Variants in TRAPPC8 observed in about 807,000 individuals in gnomAD.
TRAPPC8 encodes trafficking protein particle complex subunit 8.
Under a neutral mutation model 174.3 loss-of-function variants are expected in TRAPPC8, and 54 were observed. That is an observed-to-expected ratio of 0.31 (90% CI 0.25 to 0.39). The LOEUF is 0.39. Ranked by LOEUF, TRAPPC8 falls within the 10% of genes least tolerant of loss-of-function variation. The pLI, the probability that TRAPPC8 is intolerant of heterozygous loss-of-function variation, is 1.00. For missense variants in TRAPPC8, 1,531 were observed against 1,699.1 expected (o/e 0.90, Z 1.74); for synonymous variants, 630 against 579.9 (o/e 1.09, Z -1.24).
At chr18:31,895,787 C>CA (rs1043972920) in intron 11 of TRAPPC8, 3 of 152,198 alleles carry the variant, frequency 2.0e-5, no homozygotes, top group Admixed American at 1.3e-4. Context: ...TCAAAATACT[C>CA]AAAAGCCTTA....
chr18:31,937,867 C>T (rs2038173540), intron 1 of TRAPPC8, among the ~76,000 whole-genome samples: 1 of 151,976 alleles, frequency 6.6e-6, no homozygotes, highest in African/African-American at 2.4e-5. Flanking sequence ...CCACACCAGG[C>T]TAATTTTGTA....
At chr18:31,906,107 T>C (rs373970430) in intron 9 of TRAPPC8, among the ~76,000 whole-genome samples, 1 of 151,544 alleles carries the variant, frequency 6.6e-6, no homozygotes, top group Non-Finnish European at 1.5e-5. Flanking sequence ...GCACAGTACA[T>C]TGCCTGAGGT....
At chr18:31,877,168 A>G (rs1052970312) in intron 12 of TRAPPC8, among the ~76,000 whole-genome samples, 8 of 152,190 alleles carry the variant, frequency 5.3e-5, no homozygotes. Context: ...GGGCAGCCCC[A>G]GCGGCTGGAA....
chr18:31,883,966 A>G, intron 12 of TRAPPC8, among the ~76,000 whole-genome samples: 1 of 152,216 alleles, frequency 6.6e-6, no homozygotes, highest in East Asian at 1.9e-4. Flanking sequence ...AGGCAGGTGG[A>G]TCGCCTGAGG....
chr18:31,928,008 T>C (rs1252862983), intron 2 of TRAPPC8, among the ~76,000 whole-genome samples: 2 of 151,472 alleles, frequency 1.3e-5, no homozygotes, highest in Non-Finnish European at 2.9e-5. Context: ...ATACAAAAAT[T>C]AGCCGGGTGT....
chr18:31,852,341 C>CG, intron 24 of TRAPPC8, 105 bp downstream of exon 24: 1 of 1,309,602 alleles, frequency 7.6e-7, no homozygotes, highest in Non-Finnish European at 1.1e-6. Context: ...TGTCTCCCCC[C>CG]CAAAAAAAAG....
chr18:31,918,852 T>C (rs1432482435), intron 2 of TRAPPC8, among the ~76,000 whole-genome samples: 2 of 152,234 alleles, frequency 1.3e-5, no homozygotes, highest in African/African-American at 4.8e-5. Context: ...TAAAACTTAG[T>C]GGTTTCACTA....
intron 1 of TRAPPC8, chr18:31,939,353 TG>T (rs1425667917): frequency 6.6e-6 from 1 of 152,158 alleles, no homozygotes; most frequent in Non-Finnish European, 1.5e-5. Flanking sequence ...AATGTCCAAA[TG>T]TTTCAGACCC....
rs191746446 is a variant in TRAPPC8 at position 31,906,862 on chromosome 18, A to T, written c.1389+598T>A. Among the ~76,000 whole-genome samples, 1,264 of 152,298 alleles carry T rather than the reference A, an allele frequency of 8.3e-3. 18 individuals are homozygous for T. The highest frequency in any genetic ancestry group is 0.029 in the African/African-American group (1,196 of 41,576). ...AGGATTCGCATATTTTACAGGTCAG[A>T]AAACTGTAGCTTAGAGATATTCAAT... On this transcript the variant is annotated intron_variant, in intron 9 of 28. Coordinates refer to ENST00000283351, the MANE Select transcript of TRAPPC8 (RefSeq NM_014939.5).
chr18:31,843,828 T>C (rs2033240475), intron 26 of TRAPPC8, among the ~76,000 whole-genome samples: 1 of 152,170 alleles, frequency 6.6e-6, no homozygotes, highest in Non-Finnish European at 1.5e-5. Context: ...AATCAACAGA[T>C]TTCTATTTTC....
chr18:31,937,353 A>T (rs2038151690), intron 1 of TRAPPC8, among the ~76,000 whole-genome samples: 1 of 152,174 alleles, frequency 6.6e-6, no homozygotes, highest in East Asian at 1.9e-4. Flanking sequence ...AGCATGGCAA[A>T]ACCCCATTTC....
intron 11 of TRAPPC8, 28 bp from the exon 12 acceptor site, chr18:31,890,894 T>A (rs1182785376): frequency 6.3e-7 from 1 of 1,576,808 alleles, no homozygotes; most frequent in Non-Finnish European, 8.6e-7. Flanking sequence ...GAGAAAAAGG[T>A]TAGTTTCACC....
intron 26 of TRAPPC8, among the ~76,000 whole-genome samples, chr18:31,842,652 A>G (rs552367040): frequency 6.6e-6 from 1 of 152,206 alleles, no homozygotes; most frequent in Non-Finnish European, 1.5e-5. Flanking sequence ...CAGGATGAGC[A>G]GCCCAAATCC....
Position 31,857,549 on chromosome 18 carries a change from GGCT to G in TRAPPC8, c.3176_3178del (p.Gln1059del). The G allele has an allele frequency of 6.3e-7, 1 of 1,586,620 alleles. No homozygotes were observed. Among genetic ancestry groups the G allele is most frequent in the Non-Finnish European group, 8.6e-7 (1 of 1,167,968 alleles). Reference sequence around the variant, plus strand: ...GTTTTATAATACTAACCGTATTTTTGGCTGCTTTTTGACACTTTCATAGTAAAA... The same window carrying G: ...GTTTTATAATACTAACCGTATTTTTGGCTTTTTGACACTTTCATAGTAAAA... On this transcript the variant is annotated inframe_deletion, in exon 20 of 29. Coordinates refer to ENST00000283351, the MANE Select transcript of TRAPPC8 (RefSeq NM_014939.5).
At chr18:31,834,268 G>A (rs553264126) in intron 27 of TRAPPC8, among the ~76,000 whole-genome samples, 1 of 151,702 alleles carries the variant, frequency 6.6e-6, no homozygotes, top group Non-Finnish European at 1.5e-5. Context: ...CACCACACCC[G>A]GCTAATTTTT....
At position 31,864,523 on chromosome 18, in the gene TRAPPC8, T is replaced by C. The variant is rs985150817; in HGVS notation, c.2745+104A>G. ...CTAGCTTAATAATAATTTAAAAGTA[T>C]AGTTCAATGTAATATCAAAAACCTC... On this transcript the variant is annotated intron_variant, in intron 19 of 28. Coordinates refer to ENST00000283351, the MANE Select transcript of TRAPPC8 (RefSeq NM_014939.5). 17 of 1,048,022 alleles carry C rather than the reference T, an allele frequency of 1.6e-5. No individual in the cohort carries two copies. In the East Asian group the frequency reaches 2.9e-4, roughly 18 times the overall value. The allele number at this position is 1,048,022 out of a possible 1,614,324, so 64.9% of individuals were successfully genotyped here. A position where few individuals can be genotyped will look rare whatever the true frequency, so the allele number is the denominator to read the frequency against.
chr18:31,932,383 C>T (rs1301682104), intron 1 of TRAPPC8, among the ~76,000 whole-genome samples: 1 of 151,228 alleles, frequency 6.6e-6, no homozygotes, highest in Admixed American at 6.6e-5. Context: ...GCCGAGATTG[C>T]ACTGCTGCAC....
At chr18:31,903,427 T>C (rs552886135) in intron 9 of TRAPPC8, among the ~76,000 whole-genome samples, 5 of 152,216 alleles carry the variant, frequency 3.3e-5, no homozygotes, top group Admixed American at 1.3e-4. Flanking sequence ...CTTTGGGTTA[T>C]GGTGTATATA....
intron 9 of TRAPPC8, among the ~76,000 whole-genome samples, chr18:31,902,533 A>G (rs1041164905): frequency 2.0e-5 from 3 of 152,196 alleles, no homozygotes; most frequent in Non-Finnish European, 4.4e-5. Flanking sequence ...AACTAGCTTG[A>G]AAGGTATTTC....
Sources: gnomAD v4.1 joint callset for allele counts (sites outside exome capture counted in the v4.1 genomes callset) on GRCh38, gnomAD v4.1.1 for gene constraint, MANE v1.5 for transcripts, NCBI Gene and HGNC (gene_info 2026-07-23, HGNC 2026-07-21) for gene names.